FEZF2: variants seen among roughly 807,000 people sequenced by gnomAD.
FEZF2 encodes fez family zinc finger protein 2.
A neutral mutation model predicts 32.8 loss-of-function variants in FEZF2; 2 were observed. The ratio of observed to expected loss-of-function variants is 0.06; its 90% CI spans 0.02 to 0.19. The LOEUF (loss-of-function observed/expected upper bound fraction) is 0.19, where lower values mean the gene tolerates loss of function less well. FEZF2 is among the 10% of genes least tolerant of loss of function. The pLI is 1.00. For missense variants in FEZF2, 516 were observed against 625.4 expected (o/e 0.83, Z 1.87); for synonymous variants, 322 against 284.8 (o/e 1.13, Z -1.32).
Position 62,372,736 on chromosome 3 carries a change from G to A in FEZF2, c.133C>T (p.Pro45Ser). The change falls in exon 2 of 5, where the codon CCC (proline) becomes TCC (serine). Residue 45 changes from proline to serine, a missense_variant. Physicochemically the swap from Pro to Ser is moderately conservative, Grantham distance 74. This residue lies in a region of FEZF2 where 408 missense variants were observed against 382.2 expected (regional missense o/e 1.07). Coordinates refer to ENST00000283268, the MANE Select transcript of FEZF2 (RefSeq NM_018008.4). This position sits in a 1 kb window ranked among gnomAD's most constrained non-coding sequence, Gnocchi z 9.6. ...IMAKTSEPRA[P>S]FEPRPGALEA... is the part of the protein sequence containing the mutation. Reference sequence around the variant, plus strand: ...AGCGCTCCAGGCCGGGGCTCAAAGGGCGCACGGGGCTCCGACGTCTTGGCC... The same window carrying A: ...AGCGCTCCAGGCCGGGGCTCAAAGGACGCACGGGGCTCCGACGTCTTGGCC... 1 of 1,609,576 alleles carries A rather than the reference G, an allele frequency of 6.2e-7. No individual in the cohort carries two copies. Among genetic ancestry groups the A allele is most frequent in the Non-Finnish European group, 8.5e-7 (1 of 1,178,004 alleles).
At chr3:62,371,478 T>C (rs1488190012) in intron 3 of FEZF2, 55 bp downstream of exon 3, 8 of 1,582,852 alleles carry the variant, frequency 5.1e-6, no homozygotes, top group Non-Finnish European at 6.9e-6. Flanking sequence ...CCCGGTGTTA[T>C]CACTAAGATT....
chr3:62,371,928 C>A, intron 2 of FEZF2, 89 bp downstream of exon 2: 1 of 1,510,142 alleles, frequency 6.6e-7, no homozygotes, highest in Non-Finnish European at 8.8e-7. Context: ...AGCTCCTCAG[C>A]TTGAAAAAGG....
chr3:62,371,507 C>T (rs2148945391), intron 3 of FEZF2, 26 bp downstream of exon 3: 2 of 1,602,822 alleles, frequency 1.2e-6, no homozygotes, highest in East Asian at 2.2e-5. Context: ...TGCGCGCGGG[C>T]TAGGCCCGAC....
At chr3:62,371,475 T>C (rs1248152286) in intron 3 of FEZF2, 58 bp downstream of exon 3, 3 of 1,582,332 alleles carry the variant, frequency 1.9e-6, no homozygotes, top group Non-Finnish European at 2.6e-6. Flanking sequence ...ATCCCCGGTG[T>C]TATCACTAAG....
rs1704300959 is a variant in FEZF2, at chr3:62,373,209, C to G, written c.-59+70G>C. The G allele has an allele frequency of 3.9e-6, 1 of 256,998 alleles. No homozygotes were observed. Among genetic ancestry groups the G allele is most frequent in the African/African-American group, 2.2e-5 (1 of 45,210 alleles). The allele number at this position is 256,998 out of a possible 1,614,324, so 15.9% of individuals were successfully genotyped here. Reference sequence around the variant, plus strand: ...GCCCTTCCCTGGACCCGGGCCTCTGCCACGCGTGCTGGGAGCTGGACAGTG... The same window carrying G: ...GCCCTTCCCTGGACCCGGGCCTCTGGCACGCGTGCTGGGAGCTGGACAGTG... On this transcript the variant is annotated intron_variant, in intron 1 of 4. Coordinates refer to ENST00000283268, the MANE Select transcript of FEZF2 (RefSeq NM_018008.4). This position sits in a 1 kb window ranked among gnomAD's most constrained non-coding sequence, Gnocchi z 5.5.
chr3:62,371,503 C>A (rs1369977363), intron 3 of FEZF2, 30 bp downstream of exon 3: 3 of 1,592,640 alleles, frequency 1.9e-6, no homozygotes, highest in Middle Eastern at 1.7e-4. Flanking sequence ...GGGTTGCGCG[C>A]GGGCTAGGCC....
In FEZF2 at chr3:62,372,457, C is replaced by T. The variant is rs868361869; in HGVS notation, c.412G>A (p.Glu138Lys). The T allele has an allele frequency of 1.2e-6, 2 of 1,602,726 alleles. No homozygotes were observed. Among genetic ancestry groups the T allele is most frequent in the Non-Finnish European group, 8.5e-7 (1 of 1,176,326 alleles). The stretch of plus-strand genomic sequence containing the variant: ...AGCGCGGACGGCGCCAGGCCCAGCT[C>T]GGCCTTGCAGCACACGCCACAGTTG... Reference protein sequence around the residue: ...KTNCGVCCKAELGLAPSALPA... With the variant: ...KTNCGVCCKAKLGLAPSALPA... Residue 138 changes from glutamate to lysine, a missense_variant, in exon 2 of 5, where the codon GAG (glutamate) becomes AAG (lysine). Coordinates refer to ENST00000283268, the MANE Select transcript of FEZF2 (RefSeq NM_018008.4). The surrounding 1 kb of genome is among the most constrained non-coding windows in gnomAD (Gnocchi z 9.6).
rs747978115 is a variant in FEZF2, at chr3:62,372,833, G to A, written c.36C>T (p.Pro12=). 19 of 1,504,368 alleles carry A rather than the reference G, an allele frequency of 1.3e-5. No individual in the cohort carries two copies. In the African/African-American group the frequency reaches 2.4e-4, roughly 19 times the overall value. The allele number at this position is 1,504,368 out of a possible 1,614,324, so 93.2% of individuals were successfully genotyped here. A position where few individuals can be genotyped will look rare whatever the true frequency, so the allele number is the denominator to read the frequency against. ...ASSASLETMV[P]PACPRAGASP... Reference sequence around the variant, plus strand: ...ACGCTCCGGCGCGCGGGCAGGCCGGGGGCACCATGGTCTCCAGGGAAGCCG... The same window carrying A: ...ACGCTCCGGCGCGCGGGCAGGCCGGAGGCACCATGGTCTCCAGGGAAGCCG... Residue 12 remains proline, a synonymous_variant, in exon 2 of 5, where the codon CCC becomes CCT. Transcript: ENST00000283268. The surrounding 1 kb of genome is among the most constrained non-coding windows in gnomAD (Gnocchi z 9.6).
rs541295113 is a variant in FEZF2 at position 62,370,115 on chromosome 3, C to T, written c.1348G>A (p.Ala450Thr). ...TGCACTGTCCTAGTCAGGTCCTTTG[C>T]GGAGGGGGCAGCAGGGCCCACGCTG... ...HDSVGPAAPS[A>T]KDLTRTVQS is the part of the protein sequence containing the mutation. Residue 450 changes from alanine to threonine, a missense_variant, in exon 5 of 5, where the codon GCA (alanine) becomes ACA (threonine). By Grantham distance (58) the Ala-to-Thr change is moderately conservative (BLOSUM62 0). This residue lies in a region of FEZF2 where 29 missense variants were observed against 23.8 expected (regional missense o/e 1.22). Coordinates refer to ENST00000283268, the MANE Select transcript of FEZF2 (RefSeq NM_018008.4). The surrounding 1 kb of genome is among the most constrained non-coding windows in gnomAD (Gnocchi z 4.2). 1.9e-6 allele frequency: 3 copies of T among 1,614,126 alleles called. No homozygotes were observed. The highest frequency in any genetic ancestry group is 4.5e-5 in the East Asian group (2 of 44,870).
In FEZF2 at chr3:62,373,172, T is replaced by G; in HGVS notation, c.-59+107A>C. 3.0e-5 allele frequency: 9 copies of G among 300,570 alleles called. No individual in the cohort carries two copies. The highest frequency in any genetic ancestry group is 5.1e-5 in the Admixed American group (1 of 19,522). The allele number at this position is 300,570 out of a possible 1,614,324, so 18.6% of individuals were successfully genotyped here. ...GGGCGGTGAGAAAAGAGTCTCAAAT[T>G]AACCCCCCTGAGCCCTTCCCTGGAC... On this transcript the variant is annotated intron_variant, in intron 1 of 4. Coordinates refer to ENST00000283268, the MANE Select transcript of FEZF2 (RefSeq NM_018008.4). The surrounding 1 kb of genome is among the most constrained non-coding windows in gnomAD (Gnocchi z 5.5).
At position 62,373,182 on chromosome 3, in the gene FEZF2, G is replaced by C. The variant is rs1257527305; in HGVS notation, c.-59+97C>G. 6.8e-6 allele frequency: 2 copies of C among 295,586 alleles called. No homozygotes were observed. Among genetic ancestry groups the C allele is most frequent in the East Asian group, 1.1e-4 (2 of 18,104 alleles). 18.3% of individuals were successfully genotyped at this position (295,586 alleles called of 1,614,324 possible). ...AAAAGAGTCTCAAATTAACCCCCCT[G>C]AGCCCTTCCCTGGACCCGGGCCTCT... is the stretch of plus-strand genomic sequence containing the variant. On this transcript the variant is annotated intron_variant, in intron 1 of 4. Transcript: ENST00000283268. The surrounding 1 kb of genome is among the most constrained non-coding windows in gnomAD (Gnocchi z 5.5).
intron 2 of FEZF2, 79 bp downstream of exon 2, chr3:62,371,938 G>C: frequency 6.5e-7 from 1 of 1,528,306 alleles, no homozygotes; most frequent in Non-Finnish European, 8.7e-7. Context: ...CTTGAAAAAG[G>C]GGCATTCCAG....
chr3:62,371,667 C>T lies in FEZF2; in HGVS notation c.853G>A (p.Val285Met). 1 of 1,608,974 alleles carries T rather than the reference C, an allele frequency of 6.2e-7. No individual in the cohort carries two copies. The highest frequency in any genetic ancestry group is 8.5e-7 in the Non-Finnish European group (1 of 1,176,836). ...GTGAGATTATAGTGAGCGTTAAACA[C>T]CTATGGAAAGACATGGGGGGCCTTG... ...KNFTCEVCGK[V>M]FNAHYNLTRH... Residue 285 changes from valine (V) to methionine (M), a missense_variant and splice_region_variant, in exon 3 of 5, where the codon GTG becomes ATG. By Grantham distance (21) the Val-to-Met change is conservative. Coordinates refer to ENST00000283268, the MANE Select transcript of FEZF2 (RefSeq NM_018008.4).
chr3:62,372,112 T>G lies in FEZF2; in HGVS notation c.757A>C (p.Thr253Pro), dbSNP rs767362753. The G allele has an allele frequency of 6.2e-7, 1 of 1,603,118 alleles. No homozygotes were observed. The highest frequency in any genetic ancestry group is 8.5e-7 in the Non-Finnish European group (1 of 1,175,618). Residue 253 changes from threonine to proline, a missense_variant, in exon 2 of 5, where the codon ACT becomes CCT. By Grantham distance (38) the Thr-to-Pro change is conservative. Transcript: ENST00000283268. The surrounding 1 kb of genome is among the most constrained non-coding windows in gnomAD (Gnocchi z 9.6). ...CCCTTGACGCCTCCGCGCTCGGCAGTCAGGGCCGAGTTTTCCTTCAGTACC... is the reference window on the plus strand; with the variant it reads ...CCCTTGACGCCTCCGCGCTCGGCAGGCAGGGCCGAGTTTTCCTTCAGTACC... ...EQVLKENSAL[T>P]AERGGVKGHS...
In FEZF2 at chr3:62,372,491, C is replaced by G; in HGVS notation, c.378G>C (p.Leu126Phe). ...AGCACACGCCACAGTTGGTTTTGCA[C>G]AAGCCGCTGGCGCCGCACACTGGGG... The part of the protein sequence containing the change: ...GGAPVCGASG[L>F]CKTNCGVCCK... The change falls in exon 2 of 5, where the codon TTG becomes TTC. Residue 126 changes from leucine to phenylalanine, a missense_variant. Physicochemically the swap from Leu to Phe is conservative, Grantham distance 22. Coordinates refer to ENST00000283268, the MANE Select transcript of FEZF2 (RefSeq NM_018008.4). The surrounding 1 kb of genome is among the most constrained non-coding windows in gnomAD (Gnocchi z 9.6). 2 of 1,495,892 alleles carry G rather than the reference C, an allele frequency of 1.3e-6. No individual in the cohort carries two copies. The highest frequency in any genetic ancestry group is 1.8e-6 in the Non-Finnish European group (2 of 1,124,026). 92.7% of individuals were successfully genotyped at this position (1,495,892 alleles called of 1,614,324 possible).
At position 62,371,517 on chromosome 3, in the gene FEZF2, C is replaced by T. The variant is rs780388616; in HGVS notation, c.987+16G>A. On this transcript the variant is annotated intron_variant, in intron 3 of 4. Transcript: ENST00000283268. The stretch of plus-strand genomic sequence containing the variant: ...GGGGTTGCGCGCGGGCTAGGCCCGA[C>T]CCGGGGGCCACGTACCTGGGTGTGG... The T allele has an allele frequency of 1.2e-6, 2 of 1,605,732 alleles. No individual in the cohort carries two copies. Among genetic ancestry groups the T allele is most frequent in the Admixed American group, 1.7e-5 (1 of 59,350 alleles).
Position 62,370,106 on chromosome 3 carries a change from G to C in FEZF2, c.1357C>G (p.Leu453Val), listed in dbSNP as rs994786786. Residue 453 changes from leucine (L) to valine (V), a missense_variant, in exon 5 of 5, where the codon CTG (leucine) becomes GTG (valine). By Grantham distance (32) the Leu-to-Val change is conservative. This residue lies in a region of FEZF2 where 29 missense variants were observed against 23.8 expected (regional missense o/e 1.22). Transcript: ENST00000283268. The surrounding 1 kb of genome is among the most constrained non-coding windows in gnomAD (Gnocchi z 4.2). The stretch of plus-strand genomic sequence containing the variant: ...TCTCAGCTCTGCACTGTCCTAGTCA[G>C]GTCCTTTGCGGAGGGGGCAGCAGGG... Reference protein sequence around the residue: ...VGPAAPSAKDLTRTVQS With the variant: ...VGPAAPSAKDVTRTVQS 9 of 1,614,082 alleles carry C rather than the reference G, an allele frequency of 5.6e-6. No homozygotes were observed. The Admixed American group carries it at 1.3e-4, about 24-fold the overall frequency.
chr3:62,371,103 C>G, intron 4 of FEZF2, 114 bp downstream of exon 4: 4 of 1,488,164 alleles, frequency 2.7e-6, no homozygotes, highest in Middle Eastern at 1.9e-4. Flanking sequence ...ATGCTGCGCC[C>G]GCGCCTGCAG....
rs746972333 is a variant in FEZF2 at position 62,371,522 on chromosome 3, G to C, written c.987+11C>G. The C allele has an allele frequency of 6.2e-7, 1 of 1,607,764 alleles. No homozygotes were observed. Among genetic ancestry groups the C allele is most frequent in the East Asian group, 2.2e-5 (1 of 44,788 alleles). On this transcript the variant is annotated intron_variant, in intron 3 of 4. Transcript: ENST00000283268. Reference sequence around the variant, plus strand: ...TGCGCGCGGGCTAGGCCCGACCCGGGGGCCACGTACCTGGGTGTGGATAAT... The same window carrying C: ...TGCGCGCGGGCTAGGCCCGACCCGGCGGCCACGTACCTGGGTGTGGATAAT...
Sources: allele counts gnomAD v4.1 joint callset, GRCh38; gene constraint gnomAD v4.1.1; regional missense constraint gnomAD v4.1.1; non-coding constraint Gnocchi (gnomAD v3.1); transcripts MANE v1.5; gene names NCBI Gene and HGNC (gene_info 2026-07-23, HGNC 2026-07-21).